The following EDN1 variants were observed in gnomAD, a reference collection of about 807,000 sequenced individuals.
The protein encoded by EDN1 is endothelin-1.
In EDN1, 11 loss-of-function variants were observed where a neutral mutation model predicts 21.7. That is an observed-to-expected ratio of 0.51 (90% CI 0.32 to 0.84). EDN1 has a LOEUF of 0.84. EDN1 is among the 40% of genes least tolerant of loss of function. The probability of loss-of-function intolerance (pLI) is 0.03; values close to 1 mark genes in which losing one functional copy is unlikely to be tolerated. For missense variants in EDN1, 244 were observed against 262.3 expected (o/e 0.93, Z 0.48); for synonymous variants, 85 against 90.6 (o/e 0.94, Z 0.35).
At chr6:12,274,418 A>C in the EDN1 span, among the ~76,000 whole-genome samples, 2 of 152,234 alleles carry the variant, frequency 1.3e-5, no homozygotes, top group Admixed American at 1.3e-4. Context: ...CATATTTACT[A>C]TATCATGGAA....
chr6:12,252,624 G>A, the EDN1 span, among the ~76,000 whole-genome samples: 4 of 152,168 alleles, frequency 2.6e-5, no homozygotes, highest in Non-Finnish European at 5.9e-5. Context: ...CTGCAGGAAC[G>A]CAAGGTGGGG....
At chr6:12,236,323 C>G in the EDN1 span, among the ~76,000 whole-genome samples, 1 of 151,940 alleles carries the variant, frequency 6.6e-6, no homozygotes, top group Non-Finnish European at 1.5e-5. Flanking sequence ...GTTCTGTCAC[C>G]CAGGCTGGAG....
the EDN1 span, among the ~76,000 whole-genome samples, chr6:12,284,733 AAGGAAGGAAGG>A: frequency 8.0e-6 from 1 of 125,164 alleles, no homozygotes; most frequent in African/African-American, 3.3e-5. Flanking sequence ...GGAAGGAAGG[AAGGAAGGAAGG>A]AAGGAAGAAA....
the EDN1 span, among the ~76,000 whole-genome samples, chr6:12,243,333 G>A: frequency 1.3e-5 from 2 of 150,688 alleles, no homozygotes; most frequent in East Asian, 1.9e-4. Flanking sequence ...GAGAGGAGGA[G>A]GAGGAGGGGC....
the EDN1 span, among the ~76,000 whole-genome samples, chr6:12,260,688 C>T: frequency 2.6e-5 from 4 of 152,058 alleles, no homozygotes; most frequent in Non-Finnish European, 5.9e-5. Context: ...TCTTTTGCCC[C>T]CCTGTCCCTC....
chr6:12,250,981 C>G, the EDN1 span, among the ~76,000 whole-genome samples: 1 of 152,144 alleles, frequency 6.6e-6, no homozygotes, highest in South Asian at 2.1e-4. Context: ...TGATGCAACA[C>G]AGATGATGCC....
chr6:12,253,856 G>A, the EDN1 span, among the ~76,000 whole-genome samples: 3 of 152,006 alleles, frequency 2.0e-5, no homozygotes, highest in Admixed American at 6.6e-5. Flanking sequence ...CTGTCCCTGC[G>A]CACACCCAAT....
At chr6:12,253,791 T>C in the EDN1 span, among the ~76,000 whole-genome samples, 5 of 152,316 alleles carry the variant, frequency 3.3e-5, no homozygotes, top group African/African-American at 1.2e-4. Context: ...AGTGAGGGTA[T>C]TGTCCTACTG....
chr6:12,258,448 T>TAAAAAAAAAA, the EDN1 span, among the ~76,000 whole-genome samples: 35 of 27,736 alleles, frequency 1.3e-3, 8 homozygotes, highest in African/African-American at 2.3e-3. Flanking sequence ...AGATCATGTC[T>TAAAAAAAAAA]CAAAAAAAAA....
chr6:12,257,271 C>T, the EDN1 span, among the ~76,000 whole-genome samples: 1 of 152,160 alleles, frequency 6.6e-6, no homozygotes, highest in Non-Finnish European at 1.5e-5. Context: ...GTACAAATCT[C>T]TTCTTTGTAT....
At chr6:12,266,745 C>CCG in the EDN1 span, among the ~76,000 whole-genome samples, 20 of 152,182 alleles carry the variant, frequency 1.3e-4, no homozygotes, top group East Asian at 2.5e-3. Context: ...CATTTCAGGC[C>CCG]TGCAGAAAGT....
the EDN1 span, among the ~76,000 whole-genome samples, chr6:12,238,739 A>G: frequency 6.6e-6 from 1 of 152,206 alleles, no homozygotes; most frequent in Non-Finnish European, 1.5e-5. Context: ...CCACAAAATC[A>G]AAATCAAAGA....
the EDN1 span, among the ~76,000 whole-genome samples, chr6:12,275,749 A>G: frequency 8.6e-5 from 13 of 151,982 alleles, no homozygotes; most frequent in Non-Finnish European, 5.9e-5. Context: ...AGCTGGCTAG[A>G]TTGCAGACTC....
chr6:12,248,758 T>G, the EDN1 span, among the ~76,000 whole-genome samples: 2 of 152,320 alleles, frequency 1.3e-5, no homozygotes, highest in African/African-American at 2.4e-5. Flanking sequence ...GCATCAGGTT[T>G]TAACAAAACA....
chr6:12,294,450 A>C (rs573363002), intron 4 of EDN1, 46 bp downstream of exon 4: 1 of 1,610,840 alleles, frequency 6.2e-7, no homozygotes, highest in African/African-American at 1.3e-5. Context: ...CACAAGAACA[A>C]CTAGCCCCAG....
intron 4 of EDN1, 118 bp from the exon 5 acceptor site, chr6:12,295,844 G>C: frequency 1.0e-6 from 1 of 971,396 alleles, no homozygotes; most frequent in Non-Finnish European, 1.6e-6. Flanking sequence ...GGCGGGTGGT[G>C]AAAGTTCACA....
chr6:12,239,800 T>G, the EDN1 span, among the ~76,000 whole-genome samples: 19 of 152,022 alleles, frequency 1.2e-4, no homozygotes, highest in African/African-American at 4.6e-4. Flanking sequence ...TCCCAGCTAT[T>G]CAGGAGGCTA....
chr6:12,257,533 T>A, the EDN1 span, among the ~76,000 whole-genome samples: 2 of 152,240 alleles, frequency 1.3e-5, no homozygotes, highest in Admixed American at 1.3e-4. Flanking sequence ...GAAATATCTG[T>A]AGAATGGAAA....
the EDN1 span, among the ~76,000 whole-genome samples, chr6:12,271,867 A>C: frequency 6.6e-6 from 1 of 152,206 alleles, no homozygotes; most frequent in Admixed American, 6.5e-5. Flanking sequence ...TTGTAATGAC[A>C]CTTTGAATGT....
Sources: allele counts gnomAD v4.1 joint callset (sites outside exome capture counted in the v4.1 genomes callset), GRCh38; gene constraint gnomAD v4.1.1; transcripts MANE v1.5; gene names NCBI Gene and HGNC (gene_info 2026-07-23, HGNC 2026-07-21).